Variants in TRMO observed in about 807,000 individuals in gnomAD.
TRMO encodes tRNA methyltransferase O.
TRMO carries 30 observed loss-of-function variants against 37.2 expected under a neutral mutation model. The ratio of observed to expected loss-of-function variants is 0.81; its 90% CI spans 0.60 to 1.09. The LOEUF is 1.09. Among genes scored for constraint, TRMO ranks in the 50% least tolerant of loss-of-function variants. TRMO has a pLI of 0.00. For synonymous variants in TRMO, 239 were observed against 199.4 expected, an observed-to-expected ratio of 1.20 and a Z score of -1.67; for missense variants, 552 against 549.5, an observed-to-expected ratio of 1.00 and a Z score of -0.05.
chr9:97,918,919 T>C (rs1243233509), intron 1 of TRMO, among the ~76,000 whole-genome samples: 2 of 152,202 alleles, frequency 1.3e-5, no homozygotes, highest in Non-Finnish European at 2.9e-5. Context: ...TTTTGTTACA[T>C]GTACATGCAT....
intron 3 of TRMO, chr9:97,912,717 G>A: frequency 2.9e-6 from 1 of 343,712 alleles, no homozygotes; most frequent in Non-Finnish European, 5.9e-6. Flanking sequence ...GCAGGCTGAA[G>A]CCTGGAATGG....
At chr9:97,922,008 T>C (rs897163850) in intron 1 of TRMO, among the ~76,000 whole-genome samples, 1 of 152,076 alleles carries the variant, frequency 6.6e-6, no homozygotes, top group Admixed American at 6.6e-5. Flanking sequence ...TTAAAACTAT[T>C]TTCTCCCCCA....
At chr9:97,904,448 T>C (rs1825768454), downstream of TRMO, 4 of 1,174,616 alleles carry the variant, frequency 3.4e-6, no homozygotes, top group African/African-American at 1.6e-5. Context: ...TTTTATCAAG[T>C]GCACCAAGAA....
chr9:97,899,508 A>T (rs1437969156), downstream of TRMO, among the ~76,000 whole-genome samples: 2 of 151,856 alleles, frequency 1.3e-5, no homozygotes, highest in Non-Finnish European at 2.9e-5. Context: ...GCACAATCTC[A>T]GCTCACTGCA....
chr9:97,910,081 T>A lies in TRMO; in HGVS notation c.945A>T (p.Gly315=), dbSNP rs745779229. 1 of 1,613,780 alleles carries A rather than the reference T, an allele frequency of 6.2e-7. No individual in the cohort carries two copies. Among genetic ancestry groups the A allele is most frequent in the Non-Finnish European group, 8.5e-7 (1 of 1,179,722 alleles). ...TQPMAPHCPA[G]RADGAPRSVV... ...CGCTGCGGGGAGCTCCATCAGCCCT[T>A]CCAGCAGGGCAGTGAGGGGCCATGG... Residue 315 remains glycine, a synonymous_variant, in exon 4 of 5, where the codon GGA becomes GGT. Transcript: ENST00000375119.
the TRMO span, among the ~76,000 whole-genome samples, chr9:97,898,838 C>CCTTTTT: frequency 1.1e-5 from 1 of 89,072 alleles, no homozygotes; most frequent in Non-Finnish European, 1.9e-5. Flanking sequence ...TATATATATA[C>CCTTTTT]TTTTTTTTTT....
intron 1 of TRMO, among the ~76,000 whole-genome samples, chr9:97,917,049 C>T (rs1826402997): frequency 1.3e-5 from 2 of 152,020 alleles, no homozygotes; most frequent in African/African-American, 2.4e-5. Context: ...CCTCAACCTC[C>T]CAAAGTGCTG....
At chr9:97,920,355 G>C (rs1481438580) in intron 1 of TRMO, among the ~76,000 whole-genome samples, 1 of 152,156 alleles carries the variant, frequency 6.6e-6, no homozygotes, top group Non-Finnish European at 1.5e-5. Flanking sequence ...GTTCCTCAAA[G>C]GAGCATGAGA....
chr9:97,915,942 G>A (rs1826338325), intron 2 of TRMO: 2 of 352,768 alleles, frequency 5.7e-6, no homozygotes, highest in Non-Finnish European at 1.0e-5. Flanking sequence ...TCAGGAGGCT[G>A]AGGTGGAAGG....
intron 2 of TRMO, 47 bp from the exon 3 acceptor site, chr9:97,913,605 A>G (rs1300166389): frequency 1.7e-5 from 22 of 1,301,280 alleles, no homozygotes; most frequent in Non-Finnish European, 2.3e-5. Flanking sequence ...AAAAGAGCAC[A>G]AGTTATTTTA....
At chr9:97,913,686 T>C (rs1052522329) in intron 2 of TRMO, 128 bp from the exon 3 acceptor site, 1 of 642,298 alleles carries the variant, frequency 1.6e-6, no homozygotes, top group African/African-American at 1.8e-5. Flanking sequence ...TAAATAGTAT[T>C]AACTTGTCAT....
At position 97,909,972 on chromosome 9, in the gene TRMO, G is replaced by T; in HGVS notation, c.1054C>A (p.Leu352Ile). ...TPHAEMDLGQLSSQDVGQASF... is the reference protein window; with the variant it reads ...TPHAEMDLGQISSQDVGQASF... ...AAACTGAAGATACCTTGTGAACTGA[G>T]CTGCCCAAGGTCCATCTCGGCATGA... The change falls in exon 4 of 5, where the codon CTC becomes ATC. Residue 352 changes from leucine (L) to isoleucine (I), a missense_variant. Leu to Ile is a conservative substitution (Grantham distance 5, BLOSUM62 2). Transcript: ENST00000375119. 3.9e-6 allele frequency: 6 copies of T among 1,535,038 alleles called. No individual in the cohort carries two copies. Among genetic ancestry groups the T allele is most frequent in the Non-Finnish European group, 5.3e-6 (6 of 1,142,070 alleles).
chr9:97,908,875 T>C (rs1330470982), intron 4 of TRMO, among the ~76,000 whole-genome samples: 5 of 152,198 alleles, frequency 3.3e-5, no homozygotes, highest in Non-Finnish European at 7.3e-5. Context: ...ATAAATGAAC[T>C]TCCCTCTTTA....
chr9:97,918,699 T>C (rs747080244), intron 1 of TRMO, among the ~76,000 whole-genome samples: 18 of 152,198 alleles, frequency 1.2e-4, no homozygotes, highest in Non-Finnish European at 2.4e-4. Context: ...TTATTTGATA[T>C]ATATAAATAT....
chr9:97,906,605 T>C (rs759092614), intron 4 of TRMO, among the ~76,000 whole-genome samples: 11 of 152,200 alleles, frequency 7.2e-5, no homozygotes, highest in Non-Finnish European at 1.0e-4. Context: ...CACTGCGTAA[T>C]TTCTCATTTT....
At chr9:97,918,918 A>G (rs1473456079) in intron 1 of TRMO, among the ~76,000 whole-genome samples, 4 of 152,164 alleles carry the variant, frequency 2.6e-5, no homozygotes, top group Admixed American at 2.6e-4. Context: ...ATTTTGTTAC[A>G]TGTACATGCA....
In TRMO at chr9:97,910,324, G is replaced by A; in HGVS notation, c.702C>T (p.His234=). The part of the protein sequence containing the change: ...DRTSEENYLT[H]SDTARIQQAF... ...CTTGCTGAATTCTGGCTGTGTCACT[G>A]TGTGTCAGGTAGTTTTCTTCTGAAG... The change falls in exon 4 of 5, where the codon CAC becomes CAT. Residue 234 remains histidine (H), a synonymous_variant. Coordinates refer to ENST00000375119, the MANE Select transcript of TRMO (RefSeq NM_016481.5). 6.2e-7 allele frequency: 1 copy of A among 1,614,202 alleles called. No individual in the cohort carries two copies. Among genetic ancestry groups the A allele is most frequent in the Non-Finnish European group, 8.5e-7 (1 of 1,180,034 alleles).
rs749794578 is a variant in TRMO at position 97,904,758 on chromosome 9, C to G, written c.1301G>C (p.Gly434Ala). 1.2e-6 allele frequency: 2 copies of G among 1,611,264 alleles called. No individual in the cohort carries two copies. The highest frequency in any genetic ancestry group is 2.7e-5 in the African/African-American group (2 of 74,842). ...SEPVHMTGPV[G>A]SLVSLGS ...TTAAGACCCTAGAGACACCAAGGAC[C>G]CCACAGGGCCAGTCATATGAACAGG... The change falls in exon 5 of 5, where the codon GGG becomes GCG. Residue 434 changes from glycine to alanine, a missense_variant. Transcript: ENST00000375119.
At chr9:97,906,631 CAGTA>C (rs923363601) in intron 4 of TRMO, among the ~76,000 whole-genome samples, 12 of 151,832 alleles carry the variant, frequency 7.9e-5, no homozygotes, top group Non-Finnish European at 1.2e-4. Flanking sequence ...TTTTTTTAAT[CAGTA>C]AGGCATATTT....
Sources: gnomAD v4.1 joint callset for allele counts (sites outside exome capture counted in the v4.1 genomes callset) on GRCh38, gnomAD v4.1.1 for gene constraint, MANE v1.5 for transcripts, NCBI Gene and HGNC (gene_info 2026-07-23, HGNC 2026-07-21) for gene names.